The following ZPBP variants were observed in gnomAD, a reference collection of about 807,000 sequenced individuals.
The protein encoded by ZPBP is zona pellucida-binding protein 1.
In ZPBP, 26 loss-of-function variants were observed where a neutral mutation model predicts 44.8. The ratio of observed to expected loss-of-function variants is 0.58; its 90% CI spans 0.43 to 0.81. The LOEUF (loss-of-function observed/expected upper bound fraction) is 0.81. ZPBP is among the 30% of genes least tolerant of loss of function. ZPBP has a pLI of 0.00. For missense variants in ZPBP, 409 were observed against 434.0 expected (o/e 0.94, Z 0.51); for synonymous variants, 174 against 153.2 (o/e 1.14, Z -1.00).
chr7:49,923,086 G>T (rs140802252), intron 1 of ZPBP, among the ~76,000 whole-genome samples: 2 of 152,304 alleles, frequency 1.3e-5, no homozygotes, highest in African/African-American at 4.8e-5. Flanking sequence ...ATGCAAAGAA[G>T]TACAGATAGA....
Position 49,904,982 on chromosome 7 carries a change from C to T in ZPBP, n.412-3767G>A, listed in dbSNP as rs141198690. On this transcript the variant is annotated intron_variant and non_coding_transcript_variant, in intron 1 of 2. Coordinates refer to the ZPBP transcript ENST00000465922. ...AACTCCTGACCTCATAATCTACCCA[C>T]CTCAGCCTCCCAAAGTGCTGGGATT... Among the ~76,000 whole-genome samples the T allele has an allele frequency of 8.5e-4, 130 of 152,198 alleles. 1 individual carries two copies. Among genetic ancestry groups the T allele is most frequent in the African/African-American group, 3.0e-3 (125 of 41,538 alleles).
intron 4 of ZPBP, among the ~76,000 whole-genome samples, chr7:50,047,479 A>G (rs3807317): frequency 0.46 from 69,464 of 151,606 alleles, 16,159 homozygotes; most frequent in East Asian, 0.67. Flanking sequence ...AATGTGGGGA[A>G]AATGCCATAG....
intron 7 of ZPBP, among the ~76,000 whole-genome samples, chr7:49,966,928 T>C (rs1332348749): frequency 1.3e-5 from 2 of 152,090 alleles, no homozygotes; most frequent in East Asian, 3.9e-4. Flanking sequence ...TTTATCAATG[T>C]CTACTTAGAC....
chr7:49,951,343 G>A (rs1264384994), intron 7 of ZPBP, among the ~76,000 whole-genome samples: 1 of 151,442 alleles, frequency 6.6e-6, no homozygotes, highest in Non-Finnish European at 1.5e-5. Context: ...ACTATCTAAA[G>A]AGCCCTTACT....
chr7:50,020,814 C>T (rs1179101874), intron 5 of ZPBP, among the ~76,000 whole-genome samples: 1 of 151,968 alleles, frequency 6.6e-6, no homozygotes, highest in East Asian at 1.9e-4. Context: ...TTTACAACAA[C>T]CAAGTGAATG....
chr7:50,011,289 A>C (rs1798568485), intron 6 of ZPBP, among the ~76,000 whole-genome samples: 14 of 152,214 alleles, frequency 9.2e-5, no homozygotes, highest in Admixed American at 9.2e-4. Flanking sequence ...AAACTCTTCT[A>C]GACACTGGCT....
At chr7:49,927,268 T>C (rs1312683901) in intron 1 of ZPBP, among the ~76,000 whole-genome samples, 1 of 152,210 alleles carries the variant, frequency 6.6e-6, no homozygotes, top group Non-Finnish European at 1.5e-5. Context: ...GCCAGCTGGT[T>C]CAACAACATG....
chr7:49,997,755 C>A (rs528436373), intron 6 of ZPBP, among the ~76,000 whole-genome samples: 1 of 152,248 alleles, frequency 6.6e-6, no homozygotes, highest in Non-Finnish European at 1.5e-5. Flanking sequence ...GCTGAACAAG[C>A]CACTTTTCAC....
intron 2 of ZPBP, among the ~76,000 whole-genome samples, chr7:49,856,001 C>A (rs956549440): frequency 6.6e-6 from 1 of 152,166 alleles, no homozygotes; most frequent in African/African-American, 2.4e-5. Context: ...ATTTCTGCAA[C>A]CTGATTGAGA....
At chr7:49,912,265 C>A in intron 1 of ZPBP, 1 of 1,439,336 alleles carries the variant, frequency 6.9e-7, no homozygotes, top group Non-Finnish European at 9.3e-7. Flanking sequence ...TGGGAACTAT[C>A]AGTCAAAGAA....
chr7:49,885,790 G>A (rs944226135), intron 2 of ZPBP, among the ~76,000 whole-genome samples: 1 of 152,204 alleles, frequency 6.6e-6, no homozygotes, highest in African/African-American at 2.4e-5. Context: ...TTGCGGCCTG[G>A]ACCACTAGCA....
chr7:50,075,884 T>C (rs1276080415), intron 3 of ZPBP, among the ~76,000 whole-genome samples: 1 of 151,900 alleles, frequency 6.6e-6, no homozygotes, highest in Non-Finnish European at 1.5e-5. Flanking sequence ...GAAGAGGGAA[T>C]ATTTCCAAAC....
At chr7:50,085,919 A>T (rs1802614493) in intron 2 of ZPBP, among the ~76,000 whole-genome samples, 1 of 152,134 alleles carries the variant, frequency 6.6e-6, no homozygotes, top group Non-Finnish European at 1.5e-5. Context: ...GTAAAGATGA[A>T]GAGGCCTTAA....
chr7:50,066,748 G>A (rs940883226), intron 3 of ZPBP, among the ~76,000 whole-genome samples: 14 of 152,166 alleles, frequency 9.2e-5, no homozygotes, highest in Admixed American at 1.3e-4. Flanking sequence ...GTCAGCTTTC[G>A]GGATGTGATT....
intron 5 of ZPBP, among the ~76,000 whole-genome samples, chr7:50,026,062 C>A (rs567733448): frequency 1.3e-5 from 2 of 151,898 alleles, no homozygotes; most frequent in East Asian, 1.9e-4. Flanking sequence ...GTCATCAAAT[C>A]TAGACAAAAT....
Position 50,018,376 on chromosome 7 carries a change from T to C in ZPBP, c.707-60A>G. The C allele has an allele frequency of 3.8e-6, 5 of 1,307,342 alleles. No individual in the cohort carries two copies. In the East Asian group the frequency reaches 9.5e-5, roughly 25 times the overall value. 81.0% of individuals were successfully genotyped at this position (1,307,342 alleles called of 1,614,324 possible). On this transcript the variant is annotated intron_variant, in intron 5 of 7. Transcript: ENST00000046087. ...ATGTATTCTGTCACAATATTTAAAT[T>C]GGATTTTGAAAAATGAAAGGATATT...
At position 50,093,087 on chromosome 7, in the gene ZPBP, C is replaced by G. The variant is rs776541120; in HGVS notation, c.108G>C (p.Leu36=). 6.2e-7 allele frequency: 1 copy of G among 1,600,652 alleles called. No individual in the cohort carries two copies. The highest frequency in any genetic ancestry group is 1.3e-5 in the African/African-American group (1 of 74,394). Residue 36 remains leucine (L), a synonymous_variant, in exon 1 of 8, where the codon CTG becomes CTC. Coordinates refer to ENST00000046087, the MANE Select transcript of ZPBP (RefSeq NM_007009.3). ...AAILLFISAF[L]VRVPSSVGHL... ...CCTCACCTGATGAGGGCACCCGCAC[C>G]AGGAAGGCGGAGATAAAGAGGAGGA...
chr7:49,948,999 C>A (rs1795219396), intron 7 of ZPBP, among the ~76,000 whole-genome samples: 1 of 152,054 alleles, frequency 6.6e-6, no homozygotes, highest in African/African-American at 2.4e-5. Context: ...AGATAAGGCC[C>A]CTAAGGAGAT....
the ZPBP span, among the ~76,000 whole-genome samples, chr7:49,843,943 G>A: frequency 1.1e-3 from 160 of 152,330 alleles, 1 homozygote; most frequent in African/African-American, 3.8e-3. Context: ...AAAGGTGACA[G>A]TTAGGACTCA....
Sources: gnomAD v4.1 joint callset for allele counts (sites outside exome capture counted in the v4.1 genomes callset) on GRCh38, gnomAD v4.1.1 for gene constraint, MANE v1.5 for transcripts, NCBI Gene and HGNC (gene_info 2026-07-23, HGNC 2026-07-21) for gene names.